FAM81B: variants seen among roughly 807,000 people sequenced by gnomAD.
FAM81B encodes the protein protein FAM81B.
FAM81B carries 60 observed loss-of-function variants against 58.7 expected under a neutral mutation model. The observed-to-expected ratio is 1.02, with a 90% CI of 0.83 to 1.27. The LOEUF (loss-of-function observed/expected upper bound fraction) is 1.27. Ranked by LOEUF, FAM81B falls within the 50% of genes most tolerant of loss-of-function variation. The probability of loss-of-function intolerance (pLI) is 0.00; values close to 1 mark genes in which losing one functional copy is unlikely to be tolerated. For synonymous variants in FAM81B, 189 were observed against 179.6 expected, an observed-to-expected ratio of 1.05 and a Z score of -0.42; for missense variants, 491 against 522.0, an observed-to-expected ratio of 0.94 and a Z score of 0.58.
chr5:95,423,987 A>C (rs888038089), intron 5 of FAM81B: 61 of 1,287,094 alleles, frequency 4.7e-5, no homozygotes, highest in Admixed American at 1.6e-4. Flanking sequence ...GGTCAGCAAC[A>C]CCAAACAGCC....
Position 95,392,869 on chromosome 5 carries a change from C to T in FAM81B, c.200C>T (p.Pro67Leu). 1 of 1,611,188 alleles carries T rather than the reference C, an allele frequency of 6.2e-7. No homozygotes were observed. The change falls in exon 2 of 10, where the codon CCT becomes CTT. Residue 67 changes from proline to leucine, a missense_variant. By Grantham distance (98) the Pro-to-Leu change is moderately conservative. Coordinates refer to ENST00000283357, the MANE Select transcript of FAM81B (RefSeq NM_152548.3). ...CCAGTTGAACCTGATGGCCCCCTTC[C>T]TGGCTCAGACAATAACCAAGAAAAG... is the stretch of plus-strand genomic sequence containing the variant. The part of the protein sequence containing the change: ...EQPVEPDGPL[P>L]GSDNNQEKKV...
rs539599206 is a variant in FAM81B, at chr5:95,433,325, C to A, written c.787-3475C>A. Among the ~76,000 whole-genome samples the A allele has an allele frequency of 7.9e-5, 12 of 152,172 alleles. No homozygotes were observed. In the South Asian group the frequency reaches 2.5e-3, roughly 32 times the overall value. The stretch of plus-strand genomic sequence containing the variant: ...AGTGCCAAGCAAAAGGGGGAAAAGT[C>A]CCATATAAAACCATCAGATCTCATG... On this transcript the variant is annotated intron_variant, in intron 6 of 9. Transcript: ENST00000283357.
chr5:95,426,162 C>G (rs564038767), intron 5 of FAM81B, among the ~76,000 whole-genome samples: 3 of 141,830 alleles, frequency 2.1e-5, no homozygotes, highest in South Asian at 4.4e-4. Flanking sequence ...TAATGATGAA[C>G]AGAATGATAA....
At chr5:95,448,032 T>C (rs1456821700) in intron 8 of FAM81B, among the ~76,000 whole-genome samples, 3 of 152,170 alleles carry the variant, frequency 2.0e-5, no homozygotes, top group Non-Finnish European at 4.4e-5. Flanking sequence ...TCAAGGCATT[T>C]GGGCCACGCT....
chr5:95,417,440 C>CT, intron 4 of FAM81B, among the ~76,000 whole-genome samples: 1 of 152,198 alleles, frequency 6.6e-6, no homozygotes, highest in South Asian at 2.1e-4. Flanking sequence ...GGGAGGATTG[C>CT]TTGAGGCCAA....
intron 4 of FAM81B, among the ~76,000 whole-genome samples, chr5:95,420,073 C>T (rs1312087549): frequency 2.7e-5 from 4 of 148,352 alleles, no homozygotes; most frequent in African/African-American, 1.0e-4. Context: ...GACATCTTCC[C>T]CACCTGGCAA....
At position 95,392,967 on chromosome 5, in the gene FAM81B, T is replaced by G. The variant is rs144767467; in HGVS notation, c.228+70T>G. ...CAGCTTCTTTAAAGTTTAGAGTGCTTAGAGAGTTTAAGAAGTTCTGGAAGA... is the reference window on the plus strand; with the variant it reads ...CAGCTTCTTTAAAGTTTAGAGTGCTGAGAGAGTTTAAGAAGTTCTGGAAGA... On this transcript the variant is annotated intron_variant, in intron 2 of 9. Transcript: ENST00000283357. 35 of 1,334,636 alleles carry G rather than the reference T, an allele frequency of 2.6e-5. No homozygotes were observed. In the African/African-American group the frequency reaches 4.2e-4, roughly 16 times the overall value. 82.7% of individuals were successfully genotyped at this position (1,334,636 alleles called of 1,614,324 possible). A position where few individuals can be genotyped will look rare whatever the true frequency, so the allele number is the denominator to read the frequency against.
intron 3 of FAM81B, among the ~76,000 whole-genome samples, chr5:95,404,462 CAT>C (rs748611077): frequency 6.0e-5 from 9 of 149,640 alleles, no homozygotes; most frequent in Non-Finnish European, 7.4e-5. Flanking sequence ...TGTGTGTGCA[CAT>C]GTTACAAAAA....
chr5:95,425,500 C>A (rs1029282027), intron 5 of FAM81B, among the ~76,000 whole-genome samples: 2 of 152,172 alleles, frequency 1.3e-5, no homozygotes, highest in Non-Finnish European at 2.9e-5. Flanking sequence ...ACCTTTCAAT[C>A]ACAAGAGAAG....
chr5:95,424,735 CTG>C (rs1420872013), intron 5 of FAM81B, among the ~76,000 whole-genome samples: 1 of 152,144 alleles, frequency 6.6e-6, no homozygotes, highest in Non-Finnish European at 1.5e-5. Context: ...GGGAGAGGAA[CTG>C]AGAGAGGCAG....
chr5:95,406,865 G>GTC (rs1762260713), intron 3 of FAM81B, among the ~76,000 whole-genome samples: 1 of 151,970 alleles, frequency 6.6e-6, no homozygotes, highest in Admixed American at 6.6e-5. Flanking sequence ...TCTGCACTTT[G>GTC]TCTCACATGA....
intron 6 of FAM81B, among the ~76,000 whole-genome samples, chr5:95,430,848 C>T (rs1214619497): frequency 6.6e-6 from 1 of 152,070 alleles, no homozygotes; most frequent in Non-Finnish European, 1.5e-5. Context: ...TCTCCATTGC[C>T]TCACCAATGC....
At chr5:95,395,248 G>T (rs756513304) in intron 2 of FAM81B, among the ~76,000 whole-genome samples, 1 of 151,930 alleles carries the variant, frequency 6.6e-6, no homozygotes, top group African/African-American at 2.4e-5. Flanking sequence ...GACCATCCTG[G>T]CTAACATGGT....
rs1005110479 is a variant in FAM81B at position 95,426,842 on chromosome 5, C to A, written c.657-1761C>A. Among the ~76,000 whole-genome samples the A allele has an allele frequency of 9.2e-5, 14 of 152,074 alleles. 1 individual carries two copies. The highest frequency in any genetic ancestry group is 2.6e-4 in the Admixed American group (4 of 15,264). Reference sequence around the variant, plus strand: ...GGCGGGCCGATCACGAGGTCAGGAGCTCGAGACCATCCTGGCTAAGACGGT... The same window carrying A: ...GGCGGGCCGATCACGAGGTCAGGAGATCGAGACCATCCTGGCTAAGACGGT... On this transcript the variant is annotated intron_variant, in intron 5 of 9. Coordinates refer to ENST00000283357, the MANE Select transcript of FAM81B (RefSeq NM_152548.3).
intron 3 of FAM81B, among the ~76,000 whole-genome samples, chr5:95,410,995 G>T (rs1762390947): frequency 6.6e-6 from 1 of 152,186 alleles, no homozygotes; most frequent in Non-Finnish European, 1.5e-5. Flanking sequence ...TCACAGGATA[G>T]TAAGAAATCC....
In FAM81B at chr5:95,428,656, A is replaced by G; in HGVS notation, c.710A>G (p.Glu237Gly). The G allele has an allele frequency of 1.9e-6, 3 of 1,614,046 alleles. No individual in the cohort carries two copies. Among genetic ancestry groups the G allele is most frequent in the Non-Finnish European group, 2.5e-6 (3 of 1,179,876 alleles). ...GGAGACATTCACTTATTCAGGCAAG[A>G]GCACCGGCAAATTGAGAAAGCCATT... ...LSGDIHLFRQ[E>G]HRQIEKAIQE... Residue 237 changes from glutamate to glycine, a missense_variant, in exon 6 of 10, where the codon GAG becomes GGG. Transcript: ENST00000283357.
intron 7 of FAM81B, 128 bp from the exon 8 acceptor site, chr5:95,446,434 C>A: frequency 1.1e-6 from 1 of 931,540 alleles, no homozygotes; most frequent in Non-Finnish European, 1.6e-6. Context: ...GCACCTCCCA[C>A]ATCACCCCAC....
At position 95,431,284 on chromosome 5, in the gene FAM81B, T is replaced by A. The variant is rs181036506; in HGVS notation, c.786+2552T>A. 2.0e-4 allele frequency among the ~76,000 whole-genome samples: 31 copies of A among 152,210 alleles called. No homozygotes were observed. The East Asian group carries it at 5.6e-3, about 27-fold the overall frequency. On this transcript the variant is annotated intron_variant, in intron 6 of 9. Transcript: ENST00000283357. ...ATTCTTCATATCTCTTCAGGCACTT[T>A]CATGGCTTTGTTGTTTACACTTAAA...
In FAM81B at chr5:95,449,655, G is replaced by T. The variant is rs140811773; in HGVS notation, c.1226-494G>T. Among the ~76,000 whole-genome samples the T allele has an allele frequency of 8.5e-3, 1,301 of 152,262 alleles. 13 individuals are homozygous for T. Among genetic ancestry groups the T allele is most frequent in the South Asian group, 0.035 (171 of 4,822 alleles). ...AGGCCTTGAGGTTTGATAGGTCTGTGGTCAGGAGTGACTAGACATGCATAA... is the reference window on the plus strand; with the variant it reads ...AGGCCTTGAGGTTTGATAGGTCTGTTGTCAGGAGTGACTAGACATGCATAA... On this transcript the variant is annotated intron_variant, in intron 9 of 9. Transcript: ENST00000283357.
Sources: gnomAD v4.1 joint callset for allele counts (sites outside exome capture counted in the v4.1 genomes callset) on GRCh38, gnomAD v4.1.1 for gene constraint, MANE v1.5 for transcripts, NCBI Gene and HGNC (gene_info 2026-07-23, HGNC 2026-07-21) for gene names.